ZNF41: variants seen among roughly 807,000 people sequenced by gnomAD.
The protein encoded by ZNF41 is zinc finger protein 41.
Under a neutral mutation model 9.3 loss-of-function variants are expected in ZNF41, and 6 were observed. The ratio of observed to expected loss-of-function variants is 0.65; its 90% CI spans 0.35 to 1.28. The LOEUF (loss-of-function observed/expected upper bound fraction) is 1.28. ZNF41 is among the 50% of genes most tolerant of loss of function. The pLI, the probability that ZNF41 is intolerant of heterozygous loss-of-function variation, is 0.03. For synonymous variants in ZNF41, 192 were observed against 207.1 expected (o/e 0.93, Z 0.63); for missense variants, 523 against 585.8 (o/e 0.89, Z 1.11).
rs747572406 is a variant in ZNF41 at position 47,467,573 on chromosome X, G to A, written c.-92C>T. ...TGAGCTGGCATCTGTGGACTCAACC[G>A]GAGCTGCTGGGGCGAGGCAAGCAGG... On this transcript the variant is annotated 5_prime_UTR_variant, in exon 2 of 5. Coordinates refer to ENST00000684689, the MANE Select transcript of ZNF41 (RefSeq NM_001324144.2). 19 of 1,068,246 alleles carry A rather than the reference G, an allele frequency of 1.8e-5. No homozygotes were observed. The South Asian group carries it at 2.4e-4, about 13-fold the overall frequency. The allele number at this position is 1,068,246 out of a possible 1,213,427, so 88.0% of individuals were successfully genotyped here.
intron 1 of ZNF41, among the ~76,000 whole-genome samples, chrX:47,470,240 C>T (rs752344294): frequency 6.6e-5 from 7 of 106,853 alleles, no homozygotes; most frequent in Non-Finnish European, 9.6e-5. Context: ...GGTGAAACCC[C>T]GTCTCTACTA....
At position 47,473,704 on chromosome X, in the gene ZNF41, T is replaced by C. The variant is rs190156520; in HGVS notation, c.-279-5944A>G. ...TTTAAAGTTCAGCTATAAACACATTTAGAACTGGTACCTTTTAAAAATGGT... is the reference window on the plus strand; with the variant it reads ...TTTAAAGTTCAGCTATAAACACATTCAGAACTGGTACCTTTTAAAAATGGT... On this transcript the variant is annotated intron_variant, in intron 1 of 4. Coordinates refer to ENST00000684689, the MANE Select transcript of ZNF41 (RefSeq NM_001324144.2). 1.4e-4 allele frequency among the ~76,000 whole-genome samples: 16 copies of C among 112,462 alleles called. No individual in the cohort carries two copies. In the East Asian group the frequency reaches 4.4e-3, roughly 31 times the overall value.
intron 4 of ZNF41, among the ~76,000 whole-genome samples, chrX:47,454,605 G>A (rs2056483452): frequency 8.9e-6 from 1 of 111,799 alleles, no homozygotes. Flanking sequence ...GTTGATTGCA[G>A]AATTGTTTGT....
chrX:47,478,906 C>T (rs1363916429), intron 1 of ZNF41, among the ~76,000 whole-genome samples: 1 of 111,065 alleles, frequency 9.0e-6, no homozygotes, highest in African/African-American at 3.3e-5. Context: ...TGCACTCCAG[C>T]CTGGGCGACA....
rs749518302 is a variant in ZNF41, at chrX:47,448,040, C to T, written c.1730G>A (p.Arg577Lys). The change falls in exon 5 of 5, where the codon AGA (arginine) becomes AAA (lysine). Residue 577 changes from arginine (R) to lysine (K), a missense_variant. Coordinates refer to ENST00000684689, the MANE Select transcript of ZNF41 (RefSeq NM_001324144.2). The stretch of plus-strand genomic sequence containing the variant: ...CCCGCAGTCCTTGCATTCATAGTGT[C>T]TCTCTCCAATATGAGATTTCTGATG... ...KIHQKSHIGE[R>K]HYECKDCGKA... is the part of the protein sequence containing the mutation. 9.1e-6 allele frequency: 11 copies of T among 1,209,399 alleles called. No individual in the cohort carries two copies. The highest frequency in any genetic ancestry group is 3.5e-5 in the African/African-American group (2 of 57,002).
chrX:47,471,389 C>T (rs988431594), intron 1 of ZNF41, among the ~76,000 whole-genome samples: 1 of 108,827 alleles, frequency 9.2e-6, no homozygotes, highest in Non-Finnish European at 1.9e-5. Context: ...GCGGGGGTTA[C>T]AGTGAGCTGA....
At chrX:47,474,973 G>T (rs1395362461) in intron 1 of ZNF41, among the ~76,000 whole-genome samples, 2 of 106,080 alleles carry the variant, frequency 1.9e-5, no homozygotes, top group Non-Finnish European at 3.9e-5. Context: ...GAGGTCAGGA[G>T]ATTGAGACCA....
rs959997100 is a variant in ZNF41, at chrX:47,477,495, G to A, written c.-280+5600C>T. Among the ~76,000 whole-genome samples the A allele has an allele frequency of 4.4e-5, 5 of 112,636 alleles. No homozygotes were observed. In the Admixed American group the frequency reaches 4.7e-4, roughly 11 times the overall value. On this transcript the variant is annotated intron_variant, in intron 1 of 4. Transcript: ENST00000684689. The stretch of plus-strand genomic sequence containing the variant: ...CCAGGAAATTGAGAGCAAGAGAATT[G>A]TGTACAGATCTTATGAAAAATAACT...
At chrX:47,458,481 A>G (rs906658726) in intron 2 of ZNF41, among the ~76,000 whole-genome samples, 1 of 111,744 alleles carries the variant, frequency 8.9e-6, no homozygotes, top group Admixed American at 9.6e-5. Flanking sequence ...AAAAATAACA[A>G]TAGAGTAAAG....
At chrX:47,452,609 A>G (rs139528388) in intron 4 of ZNF41, among the ~76,000 whole-genome samples, 5,808 of 111,308 alleles carry the variant, frequency 0.052, 375 homozygotes, top group African/African-American at 0.18. Context: ...CTATTCCTTT[A>G]TTCTTCAGAG....
intron 1 of ZNF41, among the ~76,000 whole-genome samples, chrX:47,473,790 A>T (rs1308375563): frequency 8.9e-6 from 1 of 112,236 alleles, no homozygotes; most frequent in Non-Finnish European, 1.9e-5. Context: ...GAGAGGATGC[A>T]GATAAACTAG....
chrX:47,448,189 T>C lies in ZNF41; in HGVS notation c.1581A>G (p.Glu527=). Residue 527 remains glutamate, a synonymous_variant, in exon 5 of 5, where the codon GAA becomes GAG. Transcript: ENST00000684689. ...ACTGGTCAGTAAAAGCCTTTCCACATTCAGCACACATATAGGGTTTTTCCC... is the reference window on the plus strand; with the variant it reads ...ACTGGTCAGTAAAAGCCTTTCCACACTCAGCACACATATAGGGTTTTTCCC... The part of the protein sequence containing the change: ...HTGEKPYMCA[E]CGKAFTDQSN... The C allele has an allele frequency of 8.3e-7, 1 of 1,211,961 alleles. No individual in the cohort carries two copies. Among genetic ancestry groups the C allele is most frequent in the South Asian group, 1.8e-5 (1 of 57,014 alleles).
intron 2 of ZNF41, among the ~76,000 whole-genome samples, chrX:47,461,614 T>C (rs2056795365): frequency 1.8e-5 from 2 of 110,487 alleles, no homozygotes; most frequent in African/African-American, 6.6e-5. Context: ...TTCACCATGT[T>C]GGTCAGGCTC....
rs139056077 is a variant in ZNF41, at chrX:47,449,346, C to T, written c.424G>A (p.Asp142Asn). ...TTTTCCTGACGTTGCTCTAGCTGGT[C>T]ATTATCTTGCCACAGTTCTTCTAAA... Reference protein sequence around the residue: ...SILEELWQDNDQLEQRQENQN... With the variant: ...SILEELWQDNNQLEQRQENQN... Residue 142 changes from aspartate to asparagine, a missense_variant, in exon 5 of 5, where the codon GAC becomes AAC. Coordinates refer to ENST00000684689, the MANE Select transcript of ZNF41 (RefSeq NM_001324144.2). 7.1e-5 allele frequency: 86 copies of T among 1,209,766 alleles called. No individual in the cohort carries two copies. In the African/African-American group the frequency reaches 1.2e-3, roughly 17 times the overall value.
At chrX:47,477,844 G>A (rs899376621) in intron 1 of ZNF41, among the ~76,000 whole-genome samples, 7 of 111,858 alleles carry the variant, frequency 6.3e-5, no homozygotes, top group African/African-American at 2.3e-4. Flanking sequence ...TCCACTCCTG[G>A]GTATCCACCC....
intron 2 of ZNF41, among the ~76,000 whole-genome samples, chrX:47,462,519 T>A (rs1479705216): frequency 1.8e-5 from 2 of 111,051 alleles, no homozygotes; most frequent in African/African-American, 3.3e-5. Flanking sequence ...CTGTCCTGTG[T>A]TCCCTTTGTT....
rs201527995 is a variant in ZNF41 at position 47,447,654 on chromosome X, G to A, written c.2116C>T (p.Leu706Phe). The part of the protein sequence containing the change: ...CGKTFTWKSR[L>F]NIHQKSHTGE... ...GTATGAGACTTCTGATGTATATTGAGGCGTGACTTCCAGGTGAAGGTTTTC... is the reference window on the plus strand; with the variant it reads ...GTATGAGACTTCTGATGTATATTGAAGCGTGACTTCCAGGTGAAGGTTTTC... Residue 706 changes from leucine (L) to phenylalanine (F), a missense_variant, in exon 5 of 5, where the codon CTC (leucine) becomes TTC (phenylalanine). Transcript: ENST00000684689. The A allele has an allele frequency of 2.2e-4, 264 of 1,209,916 alleles. 1 individual carries two copies. The highest frequency in any genetic ancestry group is 2.8e-4 in the Non-Finnish European group (251 of 895,233).
At chrX:47,458,217 A>G (rs1233151337) in intron 2 of ZNF41, among the ~76,000 whole-genome samples, 3 of 111,902 alleles carry the variant, frequency 2.7e-5, no homozygotes, top group African/African-American at 9.7e-5. Context: ...CCATCTCTAA[A>G]CCAAGTGTAT....
At chrX:47,474,159 C>A (rs1432464845) in intron 1 of ZNF41, among the ~76,000 whole-genome samples, 3 of 112,351 alleles carry the variant, frequency 2.7e-5, no homozygotes, top group Non-Finnish European at 5.6e-5. Context: ...AGTGAAAAAA[C>A]CAACCTGAAA....
Sources: gnomAD v4.1 joint callset for allele counts (sites outside exome capture counted in the v4.1 genomes callset) on GRCh38, gnomAD v4.1.1 for gene constraint, MANE v1.5 for transcripts, NCBI Gene and HGNC (gene_info 2026-07-23, HGNC 2026-07-21) for gene names.